The following CTNNA3 variants were observed in gnomAD, a reference collection of about 807,000 sequenced individuals.
CTNNA3 encodes catenin alpha 3.
CTNNA3 carries 76 observed loss-of-function variants against 95.7 expected under a neutral mutation model. The ratio of observed to expected loss-of-function variants is 0.79; its 90% CI spans 0.66 to 0.96. The LOEUF (loss-of-function observed/expected upper bound fraction) is 0.96. Ranked by LOEUF, CTNNA3 falls within the 40% of genes least tolerant of loss-of-function variation. CTNNA3 has a pLI of 0.00. For synonymous variants in CTNNA3, 431 were observed against 374.4 expected (o/e 1.15, Z -1.74); for missense variants, 1,191 against 1,089.8 (o/e 1.09, Z -1.31).
At chr10:67,592,501 A>C (rs751201166) in intron 3 of CTNNA3, among the ~76,000 whole-genome samples, 13 of 152,138 alleles carry the variant, frequency 8.5e-5, no homozygotes, top group Non-Finnish European at 1.8e-4. Context: ...CTAAAAACAA[A>C]AGATTTTAAA....
intron 5 of CTNNA3, among the ~76,000 whole-genome samples, chr10:67,430,200 T>C (rs1200819273): frequency 1.3e-5 from 2 of 152,034 alleles, no homozygotes; most frequent in African/African-American, 4.8e-5. Flanking sequence ...ATCTGTTGCT[T>C]TAGCCACGGA....
intron 6 of CTNNA3, among the ~76,000 whole-genome samples, chr10:67,201,953 G>A (rs1564968223): frequency 6.6e-6 from 1 of 152,126 alleles, no homozygotes; most frequent in Non-Finnish European, 1.5e-5. Context: ...CATGAAGAGA[G>A]CCCTGGATTT....
At chr10:65,994,234 A>C (rs528348213) in intron 15 of CTNNA3, among the ~76,000 whole-genome samples, 1 of 152,258 alleles carries the variant, frequency 6.6e-6, no homozygotes, top group South Asian at 2.1e-4. Context: ...TTTACCAGTA[A>C]GTTTTATACT....
At chr10:67,020,553 C>T (rs1412414165) in intron 7 of CTNNA3, among the ~76,000 whole-genome samples, 1 of 152,114 alleles carries the variant, frequency 6.6e-6, no homozygotes, top group African/African-American at 2.4e-5. Context: ...AACCATTCAA[C>T]AAATATTTAC....
intron 11 of CTNNA3, among the ~76,000 whole-genome samples, chr10:66,413,673 A>G (rs1319632714): frequency 1.3e-5 from 2 of 152,342 alleles, no homozygotes; most frequent in Admixed American, 1.3e-4. Flanking sequence ...TGGAAATACA[A>G]TCTCAGGAGT....
rs116402119 is a variant in CTNNA3, at chr10:66,015,187, C to T, written c.2160-26390G>A. On this transcript the variant is annotated intron_variant, in intron 15 of 17. Transcript: ENST00000433211. Reference sequence around the variant, plus strand: ...TACTTTATTGGAGTTCAAAATGATGCTAAATGATTTTTAAAAATACATACT... The same window carrying T: ...TACTTTATTGGAGTTCAAAATGATGTTAAATGATTTTTAAAAATACATACT... 4.5e-3 allele frequency among the ~76,000 whole-genome samples: 679 copies of T among 151,950 alleles called. 6 individuals carry two copies. Among genetic ancestry groups the T allele is most frequent in the African/African-American group, 0.016 (645 of 41,472 alleles).
chr10:67,671,929 C>T (rs184611993), intron 1 of CTNNA3, among the ~76,000 whole-genome samples: 34,121 of 151,560 alleles, frequency 0.23, 7,780 homozygotes, highest in African/African-American at 0.59. Flanking sequence ...CCTGAGGAAT[C>T]GCCACACTGA....
At chr10:67,214,834 CT>C (rs34127214) in intron 6 of CTNNA3, among the ~76,000 whole-genome samples, 10 of 151,812 alleles carry the variant, frequency 6.6e-5, no homozygotes, top group African/African-American at 1.7e-4. Flanking sequence ...ATAGGTAACT[CT>C]TTTTTTTCCT....
intron 5 of CTNNA3, among the ~76,000 whole-genome samples, chr10:67,512,036 G>T (rs889495847): frequency 6.6e-6 from 1 of 152,160 alleles, no homozygotes; most frequent in Non-Finnish European, 1.5e-5. Context: ...GGGATCAGTG[G>T]TGATATCCCC....
intron 5 of CTNNA3, among the ~76,000 whole-genome samples, chr10:67,431,710 C>A (rs762035864): frequency 1.3e-5 from 2 of 151,906 alleles, no homozygotes; most frequent in East Asian, 3.9e-4. Flanking sequence ...ATGAACAAAT[C>A]TCCTCTTGTT....
At chr10:66,678,402 G>A (rs1055106750) in intron 9 of CTNNA3, among the ~76,000 whole-genome samples, 18 of 152,142 alleles carry the variant, frequency 1.2e-4, no homozygotes, top group Admixed American at 2.6e-4. Flanking sequence ...ACAAATAGAA[G>A]AGGATAAAAT....
intron 13 of CTNNA3, among the ~76,000 whole-genome samples, chr10:66,241,177 C>G (rs116861785): frequency 0.033 from 5,043 of 151,976 alleles, 129 homozygotes; most frequent in Middle Eastern, 0.051. Context: ...AAAATAAATG[C>G]TCATACACAA....
chr10:66,287,764 G>A (rs2091614109), intron 12 of CTNNA3, among the ~76,000 whole-genome samples: 1 of 151,984 alleles, frequency 6.6e-6, no homozygotes, highest in Non-Finnish European at 1.5e-5. Flanking sequence ...GTGAATGATG[G>A]CATTATTTCA....
chr10:66,831,407 G>A (rs150165574), intron 7 of CTNNA3, among the ~76,000 whole-genome samples: 233 of 152,068 alleles, frequency 1.5e-3, no homozygotes, highest in Non-Finnish European at 2.6e-3. Flanking sequence ...TTTACCATAC[G>A]CTTGCTCTCT....
chr10:67,680,428 A>G (rs994056073), intron 1 of CTNNA3, among the ~76,000 whole-genome samples: 1 of 152,230 alleles, frequency 6.6e-6, no homozygotes, highest in African/African-American at 2.4e-5. Context: ...TCACCAATCA[A>G]TCATGGCTTG....
intron 1 of CTNNA3, among the ~76,000 whole-genome samples, chr10:67,663,478 G>T (rs1277224069): frequency 6.6e-6 from 1 of 152,012 alleles, no homozygotes; most frequent in East Asian, 1.9e-4. Flanking sequence ...GAGGGGCTAG[G>T]GCTGAGCCTC....
At chr10:66,777,892 C>T (rs1157179231) in intron 7 of CTNNA3, among the ~76,000 whole-genome samples, 1 of 151,772 alleles carries the variant, frequency 6.6e-6, no homozygotes, top group African/African-American at 2.4e-5. Context: ...TGGTGTGATT[C>T]ATCAGAACAA....
intron 7 of CTNNA3, among the ~76,000 whole-genome samples, chr10:66,842,722 C>A (rs1263026433): frequency 1.3e-5 from 2 of 152,082 alleles, no homozygotes; most frequent in Non-Finnish European, 2.9e-5. Context: ...ATAATTTTTG[C>A]ATTATAGCTA....
intron 10 of CTNNA3, among the ~76,000 whole-genome samples, chr10:66,526,992 G>C (rs1240379034): frequency 6.6e-6 from 1 of 151,942 alleles, no homozygotes; most frequent in Non-Finnish European, 1.5e-5. Context: ...GGTGTCATAT[G>C]CACATTGCCA....
Sources: gnomAD v4.1 joint callset for allele counts (sites outside exome capture counted in the v4.1 genomes callset) on GRCh38, gnomAD v4.1.1 for gene constraint, MANE v1.5 for transcripts, NCBI Gene and HGNC (gene_info 2026-07-23, HGNC 2026-07-21) for gene names.